UBE3C: variants seen among roughly 807,000 people sequenced by gnomAD.
The protein encoded by UBE3C is ubiquitin protein ligase E3C.
A neutral mutation model predicts 129.4 loss-of-function variants in UBE3C; 42 were observed. The observed-to-expected ratio is 0.32, with a 90% CI of 0.25 to 0.42. The LOEUF (loss-of-function observed/expected upper bound fraction) is 0.42. Among genes scored for constraint, UBE3C ranks in the 10% least tolerant of loss-of-function variants. The pLI is 1.00. For synonymous variants in UBE3C, 510 were observed against 492.4 expected, an observed-to-expected ratio of 1.04 and a Z score of -0.47; for missense variants, 1,049 against 1,319.1, an observed-to-expected ratio of 0.80 and a Z score of 3.17.
At chr7:157,174,100 C>T (rs1196519172) in intron 4 of UBE3C, among the ~76,000 whole-genome samples, 4 of 152,128 alleles carry the variant, frequency 2.6e-5, no homozygotes, top group Non-Finnish European at 5.9e-5. Flanking sequence ...TGGTGGCTCA[C>T]GTGTATAATC....
chr7:157,159,325 A>T (rs958001494), intron 1 of UBE3C, among the ~76,000 whole-genome samples: 2 of 78,682 alleles, frequency 2.5e-5, no homozygotes, highest in African/African-American at 2.9e-4. Flanking sequence ...AGAAAAGATT[A>T]AAAAAAAAAA....
At chr7:157,208,052 AGACTTT>A in intron 13 of UBE3C, 117 bp downstream of exon 13, 1 of 206,282 alleles carries the variant, frequency 4.8e-6, no homozygotes, top group Non-Finnish European at 8.7e-6. Flanking sequence ...TTAATTTGCA[AGACTTT>A]TTTTTTTTTT....
intron 19 of UBE3C, among the ~76,000 whole-genome samples, chr7:157,248,819 G>A (rs988589347): frequency 4.4e-4 from 67 of 152,294 alleles, no homozygotes; most frequent in Non-Finnish European, 7.3e-5. Context: ...CCCTCCTGCG[G>A]AGCTCCACTC....
intron 18 of UBE3C, among the ~76,000 whole-genome samples, chr7:157,232,887 T>G (rs1009072976): frequency 2.6e-4 from 39 of 152,226 alleles, no homozygotes; most frequent in Admixed American, 2.4e-3. Flanking sequence ...CATAACAGTT[T>G]TATTAAAATA....
At chr7:157,204,063 T>A (rs968002484) in intron 11 of UBE3C, among the ~76,000 whole-genome samples, 1 of 152,166 alleles carries the variant, frequency 6.6e-6, no homozygotes, top group African/African-American at 2.4e-5. Flanking sequence ...ACAGAATGGT[T>A]TATGGATACT....
At chr7:157,153,697 G>C (rs1230501179) in intron 1 of UBE3C, among the ~76,000 whole-genome samples, 1 of 152,080 alleles carries the variant, frequency 6.6e-6, no homozygotes, top group Admixed American at 6.6e-5. Context: ...TGCAGTCAGT[G>C]GCCTTTTTAA....
chr7:157,156,724 A>C (rs1013636943), intron 1 of UBE3C, among the ~76,000 whole-genome samples: 2 of 151,962 alleles, frequency 1.3e-5, no homozygotes, highest in African/African-American at 2.4e-5. Context: ...AAAAAAAAAA[A>C]AAAAAACACA....
At chr7:157,146,136 T>C (rs994962893) in intron 1 of UBE3C, among the ~76,000 whole-genome samples, 2 of 152,262 alleles carry the variant, frequency 1.3e-5, no homozygotes, top group Admixed American at 1.3e-4. Context: ...TTTTTTTGTT[T>C]GTGGATGTCC....
intron 5 of UBE3C, among the ~76,000 whole-genome samples, chr7:157,177,944 T>A (rs201729244): frequency 7.4e-4 from 111 of 149,296 alleles, no homozygotes; most frequent in African/African-American, 9.8e-4. Context: ...TTTTTTTTTT[T>A]AAGAAAAAGG....
Position 157,223,433 on chromosome 7 carries a change from A to G in UBE3C, c.2100+82A>G, listed in dbSNP as rs535015348. On this transcript the variant is annotated intron_variant, in intron 16 of 22. Coordinates refer to ENST00000348165, the MANE Select transcript of UBE3C (RefSeq NM_014671.3). ...ACACACACCCACCAGAGAAATCTCT[A>G]AAGGTGCCTAGTGCCTGGCTGATTA... 1.4e-4 allele frequency: 171 copies of G among 1,237,800 alleles called. 2 individuals carry two copies. Among genetic ancestry groups the G allele is most frequent in the Middle Eastern group, 4.5e-4 (2 of 4,480 alleles). The allele number at this position is 1,237,800 out of a possible 1,614,324, so 76.7% of individuals were successfully genotyped here.
Position 157,203,689 on chromosome 7 carries a change from G to A in UBE3C, c.1418+1882G>A, listed in dbSNP as rs186611926. ...AATTATTAATACTATTTTATGATAG[G>A]GTAGTTTTACAAATCTTATTAAAAG... On this transcript the variant is annotated intron_variant, in intron 11 of 22. Coordinates refer to ENST00000348165, the MANE Select transcript of UBE3C (RefSeq NM_014671.3). Among the ~76,000 whole-genome samples, 4 of 152,012 alleles carry A rather than the reference G, an allele frequency of 2.6e-5. 1 individual carries two copies. Among genetic ancestry groups the A allele is most frequent in the East Asian group, 3.8e-4 (2 of 5,196 alleles).
At chr7:157,198,104 A>G (rs1563052420) in intron 10 of UBE3C, 18 of 1,612,292 alleles carry the variant, frequency 1.1e-5, no homozygotes, top group Non-Finnish European at 1.5e-5. Context: ...TTGTTGGTTC[A>G]TTGTAAGGTC....
At chr7:157,206,854 G>C (rs896426429) in intron 11 of UBE3C, among the ~76,000 whole-genome samples, 1 of 152,242 alleles carries the variant, frequency 6.6e-6, no homozygotes, top group African/African-American at 2.4e-5. Context: ...GGGAGCTGGT[G>C]AATAAAGTGG....
intron 19 of UBE3C, among the ~76,000 whole-genome samples, chr7:157,253,260 A>C (rs184577566): frequency 1.6e-4 from 25 of 152,338 alleles, no homozygotes; most frequent in South Asian, 1.2e-3. Context: ...CTGTCATACA[A>C]GTGGGGGACA....
chr7:157,155,827 CTG>C (rs759522934), intron 1 of UBE3C, among the ~76,000 whole-genome samples: 6 of 152,226 alleles, frequency 3.9e-5, no homozygotes, highest in Non-Finnish European at 7.3e-5. Flanking sequence ...GCTGTGCTCA[CTG>C]TGGATTTCAC....
intron 10 of UBE3C, among the ~76,000 whole-genome samples, chr7:157,197,325 A>C (rs772409167): frequency 1.3e-5 from 2 of 152,220 alleles, no homozygotes; most frequent in African/African-American, 2.4e-5. Flanking sequence ...CATTAACACT[A>C]AGTATGTAAC....
rs957814062 is a variant in UBE3C, at chr7:157,201,735, T to C, written c.1346T>C (p.Leu449Ser). Residue 449 changes from leucine to serine, a missense_variant, in exon 11 of 23, where the codon TTA becomes TCA. By Grantham distance (145) the Leu-to-Ser change is moderately radical. This residue lies in a region of UBE3C where 314 missense variants were observed against 416.9 expected (regional missense o/e 0.75). Transcript: ENST00000348165. The part of the protein sequence containing the change: ...MVPKVRLLYS[L>S]AFNARFLRHL... ...TTCCTTTTTAGGCTTCTCTACAGTT[T>C]AGCCTTTAATGCCAGGTTTCTGAGA... 2.5e-6 allele frequency: 4 copies of C among 1,605,536 alleles called. No homozygotes were observed. The highest frequency in any genetic ancestry group is 2.6e-6 in the Non-Finnish European group (3 of 1,175,922).
chr7:157,168,971 T>TTA (rs1312531826), intron 2 of UBE3C, 77 bp from the exon 3 acceptor site: 1 of 1,199,540 alleles, frequency 8.3e-7, no homozygotes, highest in African/African-American at 1.5e-5. Flanking sequence ...TTAGTGTTTT[T>TTA]AAAGTCTTTA....
At chr7:157,238,187 A>G (rs192648937) in intron 18 of UBE3C, among the ~76,000 whole-genome samples, 47 of 152,342 alleles carry the variant, frequency 3.1e-4, no homozygotes, top group African/African-American at 9.6e-4. Context: ...TATTGTTTCT[A>G]AACTTAAAAT....
Sources: allele counts gnomAD v4.1 joint callset (sites outside exome capture counted in the v4.1 genomes callset), GRCh38; gene constraint gnomAD v4.1.1; regional missense constraint gnomAD v4.1.1; transcripts MANE v1.5; gene names NCBI Gene and HGNC (gene_info 2026-07-23, HGNC 2026-07-21).